OR1F1: variants seen among roughly 807,000 people sequenced by gnomAD.
OR1F1 encodes olfactory receptor family 1 subfamily F member 1.
For synonymous variants in OR1F1, 184 were observed against 156.7 expected, an observed-to-expected ratio of 1.17 and a Z score of -1.30; for missense variants, 493 against 376.3, an observed-to-expected ratio of 1.31 and a Z score of -2.57.
the OR1F1 span, among the ~76,000 whole-genome samples, chr16:3,193,943 A>T: frequency 6.6e-6 from 1 of 152,158 alleles, no homozygotes; most frequent in Non-Finnish European, 1.5e-5. Context: ...TGGATAAGGT[A>T]CTGGCCTCCT....
At chr16:3,189,152 C>A in the OR1F1 span, among the ~76,000 whole-genome samples, 1 of 152,300 alleles carries the variant, frequency 6.6e-6, no homozygotes, top group South Asian at 2.1e-4. Flanking sequence ...GCGTGAGGTG[C>A]GGCGAGGTAG....
At chr16:3,204,636 A>C in exon 1 of OR1F1, 1 of 1,614,022 alleles carries the variant, frequency 6.2e-7, no homozygotes, top group East Asian at 2.2e-5. Context: ...GCCACCCCTT[A>C]CATTACACAG....
chr16:3,205,009 A>T (rs990368505), exon 1 of OR1F1: 1 of 1,614,098 alleles, frequency 6.2e-7, no homozygotes, highest in Non-Finnish European at 8.5e-7. Flanking sequence ...CTACAGCACC[A>T]TCATTGCTGT....
the OR1F1 span, chr16:3,191,453 T>G: frequency 6.6e-6 from 1 of 152,180 alleles, no homozygotes; most frequent in Non-Finnish European, 1.5e-5. Flanking sequence ...GTTTCTACTA[T>G]TCTCATGCCA....
upstream of OR1F1, among the ~76,000 whole-genome samples, chr16:3,200,997 TTAA>T (rs1036117084): frequency 4.6e-5 from 7 of 152,218 alleles, no homozygotes; most frequent in African/African-American, 1.7e-4. Context: ...TCCCCAGCTG[TTAA>T]TAACCTTTAA....
chr16:3,191,557 G>A, the OR1F1 span, among the ~76,000 whole-genome samples: 1 of 152,080 alleles, frequency 6.6e-6, no homozygotes, highest in African/African-American at 2.4e-5. Flanking sequence ...TCGTGGGTTC[G>A]AGCCCCACGT....
chr16:3,202,660 AAAT>A (rs3064190), upstream of OR1F1, among the ~76,000 whole-genome samples: 51,650 of 141,540 alleles, frequency 0.36, 10,637 homozygotes, highest in South Asian at 0.53. Flanking sequence ...TTCCATCTCA[AAAT>A]AATAATAATA....
the OR1F1 span, among the ~76,000 whole-genome samples, chr16:3,192,043 C>T: frequency 1.3e-5 from 2 of 152,094 alleles, no homozygotes; most frequent in Admixed American, 6.5e-5. Flanking sequence ...GTCCCGGGTT[C>T]AAATCCCGGA....
the OR1F1 span, chr16:3,189,627 A>G: frequency 3.2e-4 from 49 of 152,188 alleles, no homozygotes; most frequent in Admixed American, 2.9e-3. Context: ...TAATGCGTAA[A>G]TCGTGTGGCT....
chr16:3,204,871 A>T, exon 1 of OR1F1: 1 of 1,613,992 alleles, frequency 6.2e-7, no homozygotes, highest in Non-Finnish European at 8.5e-7. Flanking sequence ...GGTCATGATC[A>T]CCCCATTTCT....
chr16:3,189,520 C>T, the OR1F1 span, among the ~76,000 whole-genome samples: 1 of 152,212 alleles, frequency 6.6e-6, no homozygotes, highest in East Asian at 1.9e-4. Context: ...TGAAATTGCC[C>T]CTTCCAGGCG....
At chr16:3,204,775 T>C (rs1256071555) in exon 1 of OR1F1, 17 of 1,614,028 alleles carry the variant, frequency 1.1e-5, no homozygotes, top group Non-Finnish European at 1.3e-5. Flanking sequence ...CATCACTCAC[T>C]TCTTCTGCGA....
the OR1F1 span, among the ~76,000 whole-genome samples, chr16:3,193,833 C>A: frequency 6.6e-6 from 1 of 152,100 alleles, no homozygotes; most frequent in African/African-American, 2.4e-5. Context: ...TGAATAAATG[C>A]CCAAACCAAT....
upstream of OR1F1, among the ~76,000 whole-genome samples, chr16:3,202,334 C>T (rs885744): frequency 0.27 from 41,705 of 151,754 alleles, 6,349 homozygotes; most frequent in African/African-American, 0.42. Flanking sequence ...TTGATGTTAT[C>T]ATTCAGCTCC....
chr16:3,193,217 C>G, the OR1F1 span, among the ~76,000 whole-genome samples: 1 of 152,348 alleles, frequency 6.6e-6, no homozygotes, highest in South Asian at 2.1e-4. Flanking sequence ...CGAGCCTCCA[C>G]GCCCGGCCCC....
the OR1F1 span, among the ~76,000 whole-genome samples, chr16:3,191,954 G>A: frequency 6.6e-6 from 1 of 152,036 alleles, no homozygotes; most frequent in Non-Finnish European, 1.5e-5. Flanking sequence ...GTACTCCACG[G>A]CTGCCACAAA....
chr16:3,199,115 CAAAAAAAAAAAAAAAAAAAAA>C, the OR1F1 span, among the ~76,000 whole-genome samples: 44 of 52,576 alleles, frequency 8.4e-4, 1 homozygote, highest in African/African-American at 2.8e-3. Flanking sequence ...CCTGTCTCTA[CAAAAAAAAAAAAAAAAAAAAA>C]AAAAAAAAAA....
the OR1F1 span, among the ~76,000 whole-genome samples, chr16:3,195,152 A>G: frequency 1.3e-5 from 2 of 152,122 alleles, no homozygotes; most frequent in East Asian, 3.9e-4. Flanking sequence ...CCTGGACCCA[A>G]TCTCAGACCC....
chr16:3,193,562 G>A, the OR1F1 span, among the ~76,000 whole-genome samples: 1 of 152,172 alleles, frequency 6.6e-6, no homozygotes, highest in African/African-American at 2.4e-5. Context: ...CGTCCCCGGC[G>A]ACCCGAATGG....
Sources: gnomAD v4.1 joint callset for allele counts (sites outside exome capture counted in the v4.1 genomes callset) on GRCh38, gnomAD v4.1.1 for gene constraint, MANE v1.5 for transcripts, NCBI Gene and HGNC (gene_info 2026-07-23, HGNC 2026-07-21) for gene names.